TGM7: variants seen among roughly 807,000 people sequenced by gnomAD.
TGM7 encodes the protein protein-glutamine gamma-glutamyltransferase Z.
In TGM7, 74 loss-of-function variants were observed where a neutral mutation model predicts 79.5. The observed-to-expected ratio is 0.93, with a 90% CI of 0.77 to 1.13. The LOEUF (loss-of-function observed/expected upper bound fraction) is 1.13, where lower values mean the gene tolerates loss of function less well. TGM7 is among the 50% of genes most tolerant of loss of function. TGM7 has a pLI of 0.00. For missense variants in TGM7, 912 were observed against 905.9 expected (o/e 1.01, Z -0.09); for synonymous variants, 354 against 362.5 (o/e 0.98, Z 0.27).
At chr15:43,288,170 G>A (rs906776496) in intron 4 of TGM7, among the ~76,000 whole-genome samples, 1 of 152,224 alleles carries the variant, frequency 6.6e-6, no homozygotes. Flanking sequence ...CAGAGCAGAC[G>A]CTGCGGGCCC....
At chr15:43,299,304 C>T (rs775845509) in intron 1 of TGM7, among the ~76,000 whole-genome samples, 11 of 152,036 alleles carry the variant, frequency 7.2e-5, no homozygotes, top group African/African-American at 2.4e-4. Context: ...AAGAGAAGGA[C>T]GGGAAGGGCA....
At position 43,282,079 on chromosome 15, in the gene TGM7, G is replaced by C; in HGVS notation, c.1116C>G (p.Phe372Leu). ...CCTTCACAGAGGCAGGGCCACAGCA[G>C]AACAGCCCTGTGGAGGCAACAGGCT... The part of the protein sequence containing the change: ...PTPQQTSSGL[F>L]CCGPASVKAI... Residue 372 changes from phenylalanine to leucine, a missense_variant, in exon 9 of 13, where the codon TTC becomes TTG. Transcript: ENST00000452443. The C allele has an allele frequency of 6.2e-7, 1 of 1,614,062 alleles. No homozygotes were observed. Among genetic ancestry groups the C allele is most frequent in the Non-Finnish European group, 8.5e-7 (1 of 1,179,980 alleles).
intron 1 of TGM7, among the ~76,000 whole-genome samples, chr15:43,294,811 A>G (rs2042984428): frequency 2.0e-5 from 3 of 152,116 alleles, no homozygotes; most frequent in Admixed American, 2.0e-4. Flanking sequence ...GGAAAAACTC[A>G]TATTTGCTCC....
chr15:43,279,978 A>G (rs748413549), intron 9 of TGM7, 27 bp from the exon 10 acceptor site: 4 of 1,600,088 alleles, frequency 2.5e-6, no homozygotes. Context: ...TAGGAGAGAC[A>G]TGCATGGGGA....
At chr15:43,284,154 G>A (rs769773510) in intron 7 of TGM7, among the ~76,000 whole-genome samples, 5 of 152,070 alleles carry the variant, frequency 3.3e-5, no homozygotes, top group Non-Finnish European at 7.4e-5. Context: ...AGCTGAGTTC[G>A]CACCATTGCA....
intron 6 of TGM7, 80 bp downstream of exon 6, chr15:43,287,200 T>C: frequency 1.3e-6 from 2 of 1,500,956 alleles, no homozygotes; most frequent in Non-Finnish European, 1.8e-6. Flanking sequence ...ATGGGCAAGC[T>C]ACTGAACCTT....
rs1443214920 is a variant in TGM7 at position 43,287,412 on chromosome 15, C to T, written c.733G>A (p.Glu245Lys). ...GGACTGACCCCTTTGGAGTAGTCCT[C>T]GCCCCAGTTCCCCTGCAGCACGCCA... ...DNGVLQGNWG[E>K]DYSKGVSPLE... is the part of the protein sequence containing the mutation. The change falls in exon 6 of 13, where the codon GAG becomes AAG. Residue 245 changes from glutamate (E) to lysine (K), a missense_variant. By Grantham distance (56) the Glu-to-Lys change is moderately conservative. Coordinates refer to ENST00000452443, the MANE Select transcript of TGM7 (RefSeq NM_052955.3). 6.2e-6 allele frequency: 10 copies of T among 1,614,142 alleles called. No individual in the cohort carries two copies. The highest frequency in any genetic ancestry group is 4.0e-5 in the African/African-American group (3 of 75,046).
At position 43,293,643 on chromosome 15, in the gene TGM7, G is replaced by C. The variant is rs2042976561; in HGVS notation, c.11-12C>G. ...CCGCAAGGTTGCCACTAGGGGAGAG[G>C]AGGGGACAGGTCACGCCCACCTGCA... On this transcript the variant is annotated splice_polypyrimidine_tract_variant and intron_variant, in intron 1 of 12. Coordinates refer to ENST00000452443, the MANE Select transcript of TGM7 (RefSeq NM_052955.3). The C allele has an allele frequency of 6.3e-7, 1 of 1,590,786 alleles. No individual in the cohort carries two copies. Among genetic ancestry groups the C allele is most frequent in the South Asian group, 1.1e-5 (1 of 89,782 alleles).
At chr15:43,282,655 T>C (rs2042915612) in intron 7 of TGM7, 35 bp from the exon 8 acceptor site, 1 of 1,542,390 alleles carries the variant, frequency 6.5e-7, no homozygotes. Context: ...GGATTCATGT[T>C]AGCTGAGGTT....
At chr15:43,278,076 C>T (rs939209629) in intron 11 of TGM7, among the ~76,000 whole-genome samples, 1 of 152,244 alleles carries the variant, frequency 6.6e-6, no homozygotes, top group Non-Finnish European at 1.5e-5. Context: ...CTGGTGTCAG[C>T]TGGCCCGACA....
chr15:43,280,737 T>C (rs2042903603), intron 9 of TGM7, among the ~76,000 whole-genome samples: 1 of 152,190 alleles, frequency 6.6e-6, no homozygotes, highest in African/African-American at 2.4e-5. Context: ...CAGTTACTAC[T>C]GTTACTACTT....
intron 7 of TGM7, among the ~76,000 whole-genome samples, chr15:43,282,826 G>A (rs1184817421): frequency 2.0e-5 from 3 of 152,248 alleles, no homozygotes; most frequent in South Asian, 2.1e-4. Flanking sequence ...CGAAGTGGGC[G>A]GATCACGAGG....
intron 1 of TGM7, among the ~76,000 whole-genome samples, chr15:43,301,070 C>T (rs1396596494): frequency 1.3e-5 from 2 of 151,976 alleles, no homozygotes; most frequent in African/African-American, 2.4e-5. Flanking sequence ...CAGCTTTGAC[C>T]CCCCCAGGCT....
chr15:43,289,607 T>G (rs887812399), intron 4 of TGM7, among the ~76,000 whole-genome samples: 21 of 152,110 alleles, frequency 1.4e-4, no homozygotes, highest in Non-Finnish European at 1.5e-5. Flanking sequence ...TCAAATGGTA[T>G]TTCTAGTTCT....
intron 11 of TGM7, 138 bp from the exon 12 acceptor site, chr15:43,277,133 G>A: frequency 9.0e-7 from 1 of 1,106,972 alleles, no homozygotes; most frequent in Admixed American, 2.4e-5. Context: ...GGCGAGGGAG[G>A]AATGTGAGCT....
Position 43,276,400 on chromosome 15 carries a change from T to G in TGM7, c.*55A>C. The G allele has an allele frequency of 2.6e-6, 4 of 1,564,740 alleles. No homozygotes were observed. Among genetic ancestry groups the G allele is most frequent in the East Asian group, 2.3e-5 (1 of 43,962 alleles). On this transcript the variant is annotated 3_prime_UTR_variant, in exon 13 of 13. Coordinates refer to ENST00000452443, the MANE Select transcript of TGM7 (RefSeq NM_052955.3). ...GGAGCCAAGACGACATAGCCAGGAG[T>G]AGAAAGGAGCCAGGTGGGGCAGGGG... is the stretch of plus-strand genomic sequence containing the variant.
rs1261013696 is a variant in TGM7 at position 43,276,936 on chromosome 15, G to C, written c.1899C>G (p.Thr633=). The change falls in exon 12 of 13, where the codon ACC becomes ACG. Residue 633 remains threonine (T), a synonymous_variant. Transcript: ENST00000452443. ...TGCAGCTGCTCAGAGCCACCATTAA[G>C]GTGTTGGTGAGGGTGACATGGACTC... is the stretch of plus-strand genomic sequence containing the variant. The part of the protein sequence containing the change: ...ALRVHVTLTN[T]LMVALSSCTM... 1 of 1,614,176 alleles carries C rather than the reference G, an allele frequency of 6.2e-7. No individual in the cohort carries two copies. Among genetic ancestry groups the C allele is most frequent in the Non-Finnish European group, 8.5e-7 (1 of 1,180,022 alleles).
chr15:43,291,929 G>T, intron 4 of TGM7, 50 bp downstream of exon 4: 1 of 1,360,890 alleles, frequency 7.3e-7, no homozygotes, highest in Non-Finnish European at 1.1e-6. Context: ...GTTGTGTAAG[G>T]ACCAGCCTTA....
chr15:43,277,616 G>C (rs556953129), intron 11 of TGM7, among the ~76,000 whole-genome samples: 5 of 152,360 alleles, frequency 3.3e-5, no homozygotes, highest in African/African-American at 1.2e-4. Context: ...GCTCAGTGCT[G>C]TGTCACGGGG....
Sources: allele counts gnomAD v4.1 joint callset (sites outside exome capture counted in the v4.1 genomes callset), GRCh38; gene constraint gnomAD v4.1.1; transcripts MANE v1.5; gene names NCBI Gene and HGNC (gene_info 2026-07-23, HGNC 2026-07-21).